The following TNS1 variants were observed in gnomAD, a reference collection of about 807,000 sequenced individuals.
The protein encoded by TNS1 is tensin 1.
In TNS1, 62 loss-of-function variants were observed where a neutral mutation model predicts 168.6. That is an observed-to-expected ratio of 0.37 (90% CI 0.30 to 0.45). The LOEUF is 0.45. TNS1 is among the 20% of genes least tolerant of loss of function. TNS1 has a pLI of 1.00. For synonymous variants in TNS1, 934 were observed against 933.2 expected, an observed-to-expected ratio of 1.00 and a Z score of -0.02; for missense variants, 2,240 against 2,339.4, an observed-to-expected ratio of 0.96 and a Z score of 0.88.
At chr2:217,942,398 G>A (rs983460496) in intron 3 of TNS1, among the ~76,000 whole-genome samples, 13 of 152,226 alleles carry the variant, frequency 8.5e-5, no homozygotes, top group South Asian at 8.3e-4. Flanking sequence ...GATCCCATTC[G>A]GGTCTCTCCC....
At chr2:217,881,048 G>T (rs752710408) in intron 17 of TNS1, 34 bp from the exon 18 acceptor site, 6 of 1,471,536 alleles carry the variant, frequency 4.1e-6, no homozygotes, top group African/African-American at 1.4e-5. Flanking sequence ...GGCAGTCGGG[G>T]AGACAGTGCA....
intron 22 of TNS1, 78 bp downstream of exon 22, chr2:217,831,377 G>T: frequency 7.6e-7 from 1 of 1,316,656 alleles, no homozygotes; most frequent in Non-Finnish European, 1.0e-6. Flanking sequence ...CAGATTCTGA[G>T]ACCCGGGTTT....
At chr2:217,886,387 A>G in intron 13 of TNS1, 147 bp downstream of exon 13, 1 of 705,076 alleles carries the variant, frequency 1.4e-6, no homozygotes, top group Admixed American at 2.5e-5. Context: ...AAGTTTAGGA[A>G]GCAATACACT....
At chr2:217,894,075 T>C (rs1314095036) in intron 9 of TNS1, among the ~76,000 whole-genome samples, 1 of 152,094 alleles carries the variant, frequency 6.6e-6, no homozygotes, top group Non-Finnish European at 1.5e-5. Flanking sequence ...CCATCCACTT[T>C]CCAGGCCAGC....
At chr2:217,900,435 G>T in intron 7 of TNS1, 28 bp downstream of exon 7, 1 of 1,533,692 alleles carries the variant, frequency 6.5e-7, no homozygotes, top group Non-Finnish European at 8.7e-7. Context: ...TTGCACTCCC[G>T]CCCCCTGCCC....
Position 218,029,225 on chromosome 2 carries a change from G to A in TNS1, c.156+4595C>T, listed in dbSNP as rs550186943. ...CTTTCCCTCCTGAGGCACAAGGCCG[G>A]GGGGCAAGTGAATTGAGAAGAATCA... On this transcript the variant is annotated intron_variant, in intron 1 of 1. Transcript: ENST00000649572. 9.8e-3 allele frequency among the ~76,000 whole-genome samples: 676 copies of A among 68,632 alleles called. 28 individuals carry two copies. Among genetic ancestry groups the A allele is most frequent in the Admixed American group, 0.082 (618 of 7,556 alleles). 45.0% of individuals were successfully genotyped at this position (68,632 alleles called of 152,430 possible). A position where few individuals can be genotyped will look rare whatever the true frequency, so the allele number is the denominator to read the frequency against.
intron 9 of TNS1, among the ~76,000 whole-genome samples, 192 bp downstream of exon 9, chr2:217,894,813 CT>C (rs1236087691): frequency 6.6e-6 from 1 of 152,192 alleles, no homozygotes; most frequent in Non-Finnish European, 1.5e-5. Context: ...TGGAAAGTCA[CT>C]GCCCCAAGCT....
chr2:217,992,438 G>A (rs999686608), intron 1 of TNS1: 1 of 152,278 alleles, frequency 6.6e-6, no homozygotes, highest in Non-Finnish European at 1.5e-5. Flanking sequence ...TGGAGAGGAG[G>A]ACTGTGAGTC....
upstream of TNS1, among the ~76,000 whole-genome samples, chr2:218,014,183 G>A (rs1456788674): frequency 1.3e-5 from 2 of 152,178 alleles, no homozygotes; most frequent in South Asian, 2.1e-4. Flanking sequence ...TTGGGCATCT[G>A]ATCGGAGACT....
chr2:217,992,134 G>T (rs1304179015), intron 1 of TNS1, among the ~76,000 whole-genome samples: 2 of 151,792 alleles, frequency 1.3e-5, no homozygotes, highest in African/African-American at 4.8e-5. Context: ...GGGCAGGGGG[G>T]CCTATTCAGA....
intron 2 of TNS1, among the ~76,000 whole-genome samples, chr2:217,983,318 C>T (rs1482604802): frequency 2.0e-5 from 3 of 152,132 alleles, no homozygotes; most frequent in Non-Finnish European, 4.4e-5. Context: ...CAGAAGGCCC[C>T]GAAATTACAA....
intron 19 of TNS1, among the ~76,000 whole-genome samples, chr2:217,842,824 C>T (rs535968996): frequency 1.1e-4 from 17 of 152,302 alleles, no homozygotes; most frequent in Non-Finnish European, 1.6e-4. Flanking sequence ...ACTCCTGCCT[C>T]GGGGCCTCTG....
chr2:217,974,752 A>G (rs954686924), intron 3 of TNS1, among the ~76,000 whole-genome samples: 11 of 152,202 alleles, frequency 7.2e-5, no homozygotes, highest in Non-Finnish European at 1.2e-4. Context: ...TTACATATCT[A>G]GAAGGCAGCA....
At chr2:217,894,656 CA>C (rs919373653) in intron 9 of TNS1, among the ~76,000 whole-genome samples, 1 of 151,536 alleles carries the variant, frequency 6.6e-6, no homozygotes, top group Non-Finnish European at 1.5e-5. Context: ...GACTGCATCT[CA>C]AAAAAACAAA....
In TNS1 at chr2:217,996,967, T is replaced by C. The variant is rs550650868; in HGVS notation, c.33+5873A>G. ...CCCCAAGATCCACTTCCCGGCTCCC[T>C]GCCCTGTGTCCACCCAGGCTGCTCC... On this transcript the variant is annotated intron_variant, in intron 1 of 32. Transcript: ENST00000682258. 1.7e-3 allele frequency among the ~76,000 whole-genome samples: 240 copies of C among 143,344 alleles called. 5 individuals are homozygous for C. In the South Asian group the frequency reaches 0.056, roughly 34 times the overall value. 94.0% of individuals were successfully genotyped at this position (143,344 alleles called of 152,430 possible). A position where few individuals can be genotyped will look rare whatever the true frequency, so the allele number is the denominator to read the frequency against.
At chr2:217,867,810 T>C (rs1159502851) in intron 18 of TNS1, among the ~76,000 whole-genome samples, 1 of 152,242 alleles carries the variant, frequency 6.6e-6, no homozygotes. Flanking sequence ...CTCTTTCAAG[T>C]CTTGGCTCAA....
chr2:217,945,940 C>T (rs796412775), intron 3 of TNS1, among the ~76,000 whole-genome samples: 1 of 152,072 alleles, frequency 6.6e-6, no homozygotes, highest in Non-Finnish European at 1.5e-5. Flanking sequence ...AAATTAGAAC[C>T]CCTCCCACTA....
intron 18 of TNS1, among the ~76,000 whole-genome samples, chr2:217,855,293 C>T (rs1947994303): frequency 1.3e-5 from 2 of 152,172 alleles, no homozygotes; most frequent in Admixed American, 6.5e-5. Context: ...CTGTTCCTTC[C>T]GTGCAATGCC....
chr2:217,912,146 G>A (rs186588467), intron 4 of TNS1, among the ~76,000 whole-genome samples: 1 of 152,266 alleles, frequency 6.6e-6, no homozygotes. Flanking sequence ...TGGAAGGTTG[G>A]GGGGTGGCTG....
Sources: gnomAD v4.1 joint callset for allele counts (sites outside exome capture counted in the v4.1 genomes callset) on GRCh38, gnomAD v4.1.1 for gene constraint, MANE v1.5 for transcripts, NCBI Gene and HGNC (gene_info 2026-07-23, HGNC 2026-07-21) for gene names.